The following REEP2 variants were observed in gnomAD, a reference collection of about 807,000 sequenced individuals.
REEP2 encodes receptor expression-enhancing protein 2.
Under a neutral mutation model 32.1 loss-of-function variants are expected in REEP2, and 9 were observed. The ratio of observed to expected loss-of-function variants is 0.28; its 90% CI spans 0.17 to 0.49. The LOEUF is 0.49. Among genes scored for constraint, REEP2 ranks in the 20% least tolerant of loss-of-function variants. The pLI is 0.99. For missense variants in REEP2, 236 were observed against 338.0 expected (o/e 0.70, Z 2.37); for synonymous variants, 128 against 139.1 (o/e 0.92, Z 0.56).
At chr5:138,439,358 T>G in intron 1 of REEP2, 118 bp downstream of exon 1, 1 of 1,083,954 alleles carries the variant, frequency 9.2e-7, no homozygotes, top group Non-Finnish European at 1.3e-6. Flanking sequence ...GCTGCGTCCT[T>G]ATTTGGGGCC....
intron 3 of REEP2, among the ~76,000 whole-genome samples, chr5:138,443,250 CAGG>C (rs993762188): frequency 1.3e-5 from 2 of 151,838 alleles, no homozygotes; most frequent in African/African-American, 4.8e-5. Flanking sequence ...CACCTGAGGT[CAGG>C]AGTTCGAGAC....
In REEP2 at chr5:138,441,637, T is replaced by C. The variant is rs959659345; in HGVS notation, c.182+176T>C. On this transcript the variant is annotated intron_variant, in intron 3 of 7. Transcript: ENST00000378339. This position sits in a 1 kb window ranked among gnomAD's most constrained non-coding sequence, Gnocchi z 4.4. The stretch of plus-strand genomic sequence containing the variant: ...AACTTGACCTGCAGAAGAACAGACA[T>C]AGTAGTGCCAGGCGAGGGGGCTCAC... 2.6e-5 allele frequency among the ~76,000 whole-genome samples: 4 copies of C among 151,944 alleles called. No individual in the cohort carries two copies. Among genetic ancestry groups the C allele is most frequent in the Admixed American group, 1.3e-4 (2 of 15,250 alleles).
chr5:138,445,343 C>T lies in REEP2; in HGVS notation c.533C>T (p.Pro178Leu), dbSNP rs2127026095. ...QRPDGRLRPSPGSLLDTIEDL... is the reference protein window; with the variant it reads ...QRPDGRLRPSLGSLLDTIEDL... ...CCTGACGGCCGCCTCCGACCCAGCC[C>T]TGGCAGCCTCCTGGACACCATCGAG... The change falls in exon 6 of 8, where the codon CCT becomes CTT. Residue 178 changes from proline (P) to leucine (L), a missense_variant. Transcript: ENST00000378339. 6.2e-7 allele frequency: 1 copy of T among 1,613,476 alleles called. No individual in the cohort carries two copies. The highest frequency in any genetic ancestry group is 8.5e-7 in the Non-Finnish European group (1 of 1,179,758).
At chr5:138,444,684 G>A (rs1310915504) in intron 4 of REEP2, 70 bp from the exon 5 acceptor site, 3 of 1,562,860 alleles carry the variant, frequency 1.9e-6, no homozygotes, top group Non-Finnish European at 2.6e-6. Flanking sequence ...GCAGGCAGGG[G>A]CCTCTGTCCA....
Position 138,446,062 on chromosome 5 carries a change from G to C in REEP2, c.*311G>C. On this transcript the variant is annotated 3_prime_UTR_variant, in exon 8 of 8. Transcript: ENST00000378339. Reference sequence around the variant, plus strand: ...CCCCGCCCTGCCCCACCCACCCAGTGCCTTGCTGAAGCCCATAGCAATCCG... The same window carrying C: ...CCCCGCCCTGCCCCACCCACCCAGTCCCTTGCTGAAGCCCATAGCAATCCG... 1 of 402,214 alleles carries C rather than the reference G, an allele frequency of 2.5e-6. No homozygotes were observed. The highest frequency in any genetic ancestry group is 4.1e-5 in the Admixed American group (1 of 24,154). The allele number at this position is 402,214 out of a possible 1,614,324, so 24.9% of individuals were successfully genotyped here. A position where few individuals can be genotyped will look rare whatever the true frequency, so the allele number is the denominator to read the frequency against.
At chr5:138,440,898 A>G (rs1304515712) in intron 1 of REEP2, 118 bp from the exon 2 acceptor site, 64 of 1,554,752 alleles carry the variant, frequency 4.1e-5, no homozygotes, top group Non-Finnish European at 5.5e-5. Flanking sequence ...TGAGTTCATC[A>G]GTCCAGCGGG....
intron 4 of REEP2, 34 bp downstream of exon 4, chr5:138,444,569 G>A (rs375887901): frequency 5.0e-6 from 8 of 1,611,254 alleles, no homozygotes; most frequent in African/African-American, 4.0e-5. Context: ...CTCCCAGCCT[G>A]CCCCCAGCCA....
chr5:138,444,185 T>G, intron 3 of REEP2: 1 of 489,388 alleles, frequency 2.0e-6, no homozygotes. Flanking sequence ...GGAGAGTCGC[T>G]GCTGGGGGAA....
At chr5:138,439,453 C>A (rs1377655123) in intron 1 of REEP2, among the ~76,000 whole-genome samples, 1 of 152,154 alleles carries the variant, frequency 6.6e-6, no homozygotes, top group Non-Finnish European at 1.5e-5. Context: ...AGGGACCTCA[C>A]CCACATTCTT....
chr5:138,446,565 TG>T lies in REEP2; in HGVS notation c.*820del, dbSNP rs1323020777. ...CCCAGCCCATGAGAGAACGGGGATC[TG>T]GGGGGCCTCTCACCTGCTCCTATGA... On this transcript the variant is annotated 3_prime_UTR_variant, in exon 8 of 8. Transcript: ENST00000378339. The T allele has an allele frequency of 1.3e-5, 2 of 152,632 alleles. No individual in the cohort carries two copies. Among genetic ancestry groups the T allele is most frequent in the Non-Finnish European group, 2.9e-5 (2 of 68,482 alleles). The allele number at this position is 152,632 out of a possible 1,614,324, so 9.5% of individuals were successfully genotyped here.
intron 3 of REEP2, among the ~76,000 whole-genome samples, chr5:138,443,025 A>AG (rs1404201215): frequency 2.1e-5 from 3 of 141,710 alleles, no homozygotes; most frequent in Non-Finnish European, 4.7e-5. Context: ...ACTCAGTCTC[A>AG]AAAAAAAAAA....
intron 1 of REEP2, 154 bp from the exon 2 acceptor site, chr5:138,440,856 GTTCCAT>G: frequency 1.4e-6 from 2 of 1,398,244 alleles, no homozygotes; most frequent in Non-Finnish European, 1.9e-6. Context: ...GGCTGGGCAT[GTTCCAT>G]GCTGCTTTGA....
At chr5:138,442,293 T>C (rs1763840226) in intron 3 of REEP2, among the ~76,000 whole-genome samples, 1 of 152,140 alleles carries the variant, frequency 6.6e-6, no homozygotes, top group South Asian at 2.1e-4. Flanking sequence ...ACACAGTTCA[T>C]CGGAACTCAA....
Position 138,446,031 on chromosome 5 carries a change from C to T in REEP2, c.*280C>T. 1 of 470,042 alleles carries T rather than the reference C, an allele frequency of 2.1e-6. No homozygotes were observed. The allele number at this position is 470,042 out of a possible 1,614,324, so 29.1% of individuals were successfully genotyped here. A position where few individuals can be genotyped will look rare whatever the true frequency, so the allele number is the denominator to read the frequency against. On this transcript the variant is annotated 3_prime_UTR_variant, in exon 8 of 8. Transcript: ENST00000378339. The stretch of plus-strand genomic sequence containing the variant: ...CTGCTCGGCCTCCACCGCTGTTCCG[C>T]TGCAGCCCCGCCCTGCCCCACCCAC...
chr5:138,445,299 C>T lies in REEP2; in HGVS notation c.489C>T (p.Asp163=), dbSNP rs376577382. ...ACCTGACCCTGATCCGGGACGAGGA[C>T]GCACTGCCCCTGCAGAGGCCTGACG... ...MQDLTLIRDE[D]ALPLQRPDGR... The change falls in exon 6 of 8, where the codon GAC becomes GAT. Residue 163 remains aspartate, a synonymous_variant. Coordinates refer to ENST00000378339, the MANE Select transcript of REEP2 (RefSeq NM_001271803.2). 4.1e-5 allele frequency: 66 copies of T among 1,613,606 alleles called. No homozygotes were observed. Among genetic ancestry groups the T allele is most frequent in the Non-Finnish European group, 4.2e-5 (50 of 1,179,962 alleles).
At position 138,444,738 on chromosome 5, in the gene REEP2, C is replaced by A; in HGVS notation, c.304-16C>A. 2 of 1,608,762 alleles carry A rather than the reference C, an allele frequency of 1.2e-6. No homozygotes were observed. The highest frequency in any genetic ancestry group is 2.2e-5 in the East Asian group (1 of 44,840). ...GCAGGACCTCTCCTCTTCTCCCTTC[C>A]CCTCCAATCCCATAGGAGATCGACG... On this transcript the variant is annotated splice_polypyrimidine_tract_variant and intron_variant, in intron 4 of 7. Transcript: ENST00000378339.
rs906303455 is a variant in REEP2 at position 138,445,880 on chromosome 5, C to G, written c.*129C>G. 1.3e-5 allele frequency: 11 copies of G among 847,516 alleles called. No homozygotes were observed. In the African/African-American group the frequency reaches 1.9e-4, roughly 15 times the overall value. The allele number at this position is 847,516 out of a possible 1,614,324, so 52.5% of individuals were successfully genotyped here. A position where few individuals can be genotyped will look rare whatever the true frequency, so the allele number is the denominator to read the frequency against. On this transcript the variant is annotated 3_prime_UTR_variant, in exon 8 of 8. Transcript: ENST00000378339. ...CCCTGGGCCCCGCAGATGGCCATTT[C>G]CGGTGCCTGCCCAGTGGCCACTCTT...
At chr5:138,445,041 C>A in intron 5 of REEP2, 174 bp downstream of exon 5, 1 of 793,746 alleles carries the variant, frequency 1.3e-6, no homozygotes, top group Non-Finnish European at 2.0e-6. Context: ...ATTGTCCGGC[C>A]ATTTCCCCAT....
intron 3 of REEP2, chr5:138,443,496 A>AG (rs1763866108): frequency 6.6e-6 from 1 of 151,398 alleles, no homozygotes; most frequent in Admixed American, 6.6e-5. Context: ...GAGTAGGGCA[A>AG]GGGTGGTGAG....
Sources: gnomAD v4.1 joint callset for allele counts (sites outside exome capture counted in the v4.1 genomes callset) on GRCh38, gnomAD v4.1.1 for gene constraint, Gnocchi (gnomAD v3.1) non-coding constraint, MANE v1.5 for transcripts, NCBI Gene and HGNC (gene_info 2026-07-23, HGNC 2026-07-21) for gene names.